TLE1: variants seen among roughly 807,000 people sequenced by gnomAD.
TLE1 encodes the protein transducin-like enhancer protein 1.
Under a neutral mutation model 89.8 loss-of-function variants are expected in TLE1, and 21 were observed. The ratio of observed to expected loss-of-function variants is 0.23; its 90% CI spans 0.17 to 0.34. The LOEUF is 0.34. Ranked by LOEUF, TLE1 falls within the 10% of genes least tolerant of loss-of-function variation. The pLI, the probability that TLE1 is intolerant of heterozygous loss-of-function variation, is 1.00. For missense variants in TLE1, 795 were observed against 1,031.2 expected, an observed-to-expected ratio of 0.77 and a Z score of 3.14; for synonymous variants, 447 against 407.6, an observed-to-expected ratio of 1.10 and a Z score of -1.16.
chr9:81,663,208 G>A (rs755830016), intron 4 of TLE1, among the ~76,000 whole-genome samples: 1 of 152,094 alleles, frequency 6.6e-6, no homozygotes, highest in Non-Finnish European at 1.5e-5. Flanking sequence ...GGCTCACCAC[G>A]TTTGCGATCA....
chr9:81,651,238 C>T (rs1829489199), intron 6 of TLE1, among the ~76,000 whole-genome samples: 1 of 152,184 alleles, frequency 6.6e-6, no homozygotes, highest in Admixed American at 6.5e-5. Context: ...TCAAGGCACT[C>T]ACATATGAAT....
chr9:81,671,949 C>T (rs925600699), intron 4 of TLE1, among the ~76,000 whole-genome samples: 2 of 152,106 alleles, frequency 1.3e-5, no homozygotes, highest in Admixed American at 1.3e-4. Context: ...ATGGCCCAAG[C>T]ACTGTAAATG....
intron 8 of TLE1, among the ~76,000 whole-genome samples, chr9:81,622,599 G>A (rs1442633509): frequency 1.3e-5 from 2 of 152,206 alleles, no homozygotes; most frequent in Non-Finnish European, 2.9e-5. Flanking sequence ...CTGCGTCTAT[G>A]TGTTCAAAGT....
At chr9:81,608,340 G>A (rs1178721045) in intron 14 of TLE1, among the ~76,000 whole-genome samples, 1 of 152,124 alleles carries the variant, frequency 6.6e-6, no homozygotes, top group Non-Finnish European at 1.5e-5. Context: ...GGGAGACCCT[G>A]TCACTACAAA....
intron 14 of TLE1, among the ~76,000 whole-genome samples, chr9:81,599,387 G>A (rs1830621663): frequency 6.6e-6 from 1 of 152,114 alleles, no homozygotes; most frequent in Non-Finnish European, 1.5e-5. Context: ...GACCCACCAG[G>A]ACAAAGACAC....
intron 12 of TLE1, chr9:81,612,169 G>A: frequency 1.6e-6 from 1 of 643,306 alleles, no homozygotes; most frequent in Non-Finnish European, 2.2e-6. Context: ...AGACTCCAGG[G>A]GAAGCACAAC....
chr9:81,654,408 T>G (rs918350478), intron 4 of TLE1, among the ~76,000 whole-genome samples: 2 of 152,148 alleles, frequency 1.3e-5, no homozygotes, highest in East Asian at 3.9e-4. Context: ...TGGCACGATC[T>G]CGGCTCACCA....
intron 12 of TLE1, 66 bp from the exon 13 acceptor site, chr9:81,612,025 T>G: frequency 7.1e-6 from 9 of 1,261,228 alleles, no homozygotes; most frequent in Non-Finnish European, 9.4e-6. Context: ...CCAGCAAGTC[T>G]GGCCTCATCA....
intron 6 of TLE1, among the ~76,000 whole-genome samples, chr9:81,642,197 A>G (rs910324480): frequency 6.6e-6 from 1 of 152,226 alleles, no homozygotes; most frequent in Admixed American, 6.5e-5. Flanking sequence ...GAGGTTTCTC[A>G]AAAAGTTAAA....
chr9:81,611,886 G>T lies in TLE1; in HGVS notation c.1137C>A (p.Gly379=). 6.5e-7 allele frequency: 1 copy of T among 1,547,798 alleles called. No homozygotes were observed. Among genetic ancestry groups the T allele is most frequent in the Non-Finnish European group, 8.7e-7 (1 of 1,150,478 alleles). The stretch of plus-strand genomic sequence containing the variant: ...CTGGGCTGGTCAGCTCGCCGTTCAT[G>T]CCAGCGTGGGGGACCATCCCAAAAG... ...PAPFGMVPHA[G]MNGELTSPGA... The change falls in exon 13 of 20, where the codon GGC becomes GGA. Residue 379 remains glycine, a synonymous_variant. Transcript: ENST00000376499.
Position 81,615,894 on chromosome 9 carries a change from A to ACCCC in TLE1, c.918+84_918+87dup, listed in dbSNP as rs535817517. 149 of 1,525,324 alleles carry ACCCC rather than the reference A, an allele frequency of 9.8e-5. No individual in the cohort carries two copies. In the African/African-American group the frequency reaches 1.7e-3, roughly 18 times the overall value. The allele number at this position is 1,525,324 out of a possible 1,614,324, so 94.5% of individuals were successfully genotyped here. A position where few individuals can be genotyped will look rare whatever the true frequency, so the allele number is the denominator to read the frequency against. Reference sequence around the variant, plus strand: ...AAAAATACAACCCTCAAGCAGCAAAACCCCCACATTTCCAATACTTCAGAG... The same window carrying ACCCC: ...AAAAATACAACCCTCAAGCAGCAAAACCCCCCCCCACATTTCCAATACTTCAGAG... On this transcript the variant is annotated intron_variant, in intron 11 of 19. Transcript: ENST00000376499.
At chr9:81,635,163 C>CTTG (rs1827211362) in intron 6 of TLE1, among the ~76,000 whole-genome samples, 1 of 152,206 alleles carries the variant, frequency 6.6e-6, no homozygotes, top group African/African-American at 2.4e-5. Context: ...CTCAGGGAGC[C>CTTG]AGGCTTGTGG....
Position 81,595,427 on chromosome 9 carries a change from G to A in TLE1, c.1332-2153C>T, listed in dbSNP as rs116471884. 5.1e-3 allele frequency among the ~76,000 whole-genome samples: 782 copies of A among 152,252 alleles called. 5 individuals are homozygous for A. Among genetic ancestry groups the A allele is most frequent in the African/African-American group, 0.017 (707 of 41,546 alleles). On this transcript the variant is annotated intron_variant, in intron 14 of 19. Coordinates refer to ENST00000376499, the MANE Select transcript of TLE1 (RefSeq NM_005077.5). ...TCAACGAACAAAGTCCAGTAGCCAA[G>A]TTCTATGACTCAGAATCAGGCTCCA...
chr9:81,640,653 A>C (rs976221042), intron 6 of TLE1, among the ~76,000 whole-genome samples: 5 of 152,364 alleles, frequency 3.3e-5, no homozygotes, highest in African/African-American at 1.2e-4. Flanking sequence ...ATGTCAAACA[A>C]CAGCCACGCA....
In TLE1 at chr9:81,688,585, C is replaced by T; in HGVS notation, c.-345G>A. 3.7e-6 allele frequency: 1 copy of T among 271,804 alleles called. No homozygotes were observed. Among genetic ancestry groups the T allele is most frequent in the East Asian group, 6.7e-5 (1 of 15,018 alleles). 16.8% of individuals were successfully genotyped at this position (271,804 alleles called of 1,614,324 possible). Reference sequence around the variant, plus strand: ...CTGCCCGGGCGGGGAGGCGGGGGCGCGGTGACTCCGACCGCACTCCCCTCG... The same window carrying T: ...CTGCCCGGGCGGGGAGGCGGGGGCGTGGTGACTCCGACCGCACTCCCCTCG... On this transcript the variant is annotated 5_prime_UTR_variant, in exon 1 of 20. Coordinates refer to ENST00000376499, the MANE Select transcript of TLE1 (RefSeq NM_005077.5).
intron 4 of TLE1, among the ~76,000 whole-genome samples, chr9:81,655,764 T>G (rs1278970908): frequency 7.0e-6 from 1 of 143,516 alleles, no homozygotes; most frequent in Non-Finnish European, 1.5e-5. Flanking sequence ...AAAGACAAAG[T>G]AGAAATCCCA....
At chr9:81,615,836 G>A in intron 11 of TLE1, 146 bp downstream of exon 11, 2 of 1,048,470 alleles carry the variant, frequency 1.9e-6, no homozygotes, top group Non-Finnish European at 2.7e-6. Flanking sequence ...TGGTGACAAA[G>A]AACAGAAGGA....
chr9:81,645,079 G>C (rs1828676168), intron 6 of TLE1, among the ~76,000 whole-genome samples: 1 of 150,544 alleles, frequency 6.6e-6, no homozygotes, highest in African/African-American at 2.4e-5. Context: ...CACACAATAG[G>C]CTGGGTGCAG....
chr9:81,648,430 T>C (rs1344474767), intron 6 of TLE1, among the ~76,000 whole-genome samples: 1 of 152,304 alleles, frequency 6.6e-6, no homozygotes, highest in African/African-American at 2.4e-5. Flanking sequence ...TTGTGGAATG[T>C]GGGTTACCAG....
Sources: allele counts gnomAD v4.1 joint callset (sites outside exome capture counted in the v4.1 genomes callset), GRCh38; gene constraint gnomAD v4.1.1; transcripts MANE v1.5; gene names NCBI Gene and HGNC (gene_info 2026-07-23, HGNC 2026-07-21).